The following RBM20 variants were observed in gnomAD, a reference collection of about 807,000 sequenced individuals.
RBM20 encodes RNA-binding protein 20.
A neutral mutation model predicts 110.1 loss-of-function variants in RBM20; 51 were observed. That is an observed-to-expected ratio of 0.46 (90% CI 0.37 to 0.59). The LOEUF (loss-of-function observed/expected upper bound fraction) is 0.59, where lower values mean the gene tolerates loss of function less well. Among genes scored for constraint, RBM20 ranks in the 20% least tolerant of loss-of-function variants. The pLI is 0.00. For missense variants in RBM20, 1,512 were observed against 1,574.9 expected (o/e 0.96, Z 0.68); for synonymous variants, 589 against 618.2 (o/e 0.95, Z 0.70).
intron 1 of RBM20, among the ~76,000 whole-genome samples, chr10:110,726,970 C>T (rs961285386): frequency 7.2e-5 from 11 of 152,032 alleles, no homozygotes; most frequent in Non-Finnish European, 2.9e-5. Flanking sequence ...CCTCAGCCTC[C>T]GGAGTAGCTG....
At chr10:110,768,061 C>G (rs1844131825) in intron 1 of RBM20, among the ~76,000 whole-genome samples, 2 of 152,238 alleles carry the variant, frequency 1.3e-5, no homozygotes, top group South Asian at 4.1e-4. Flanking sequence ...AACCCCGTCT[C>G]CACCAAAAAA....
intron 1 of RBM20, among the ~76,000 whole-genome samples, chr10:110,671,977 A>G (rs948361139): frequency 6.6e-6 from 1 of 152,164 alleles, no homozygotes; most frequent in Admixed American, 6.5e-5. Context: ...GCTGAGGCTC[A>G]TAATCAGCCA....
chr10:110,722,227 G>T (rs1229738315), intron 1 of RBM20, among the ~76,000 whole-genome samples: 1 of 152,208 alleles, frequency 6.6e-6, no homozygotes, highest in East Asian at 1.9e-4. Context: ...AAGAACAACA[G>T]CAGGCATTTT....
At chr10:110,785,004 G>A (rs1844403131) in intron 5 of RBM20, 115 bp downstream of exon 5, 1 of 686,852 alleles carries the variant, frequency 1.5e-6, no homozygotes, top group Non-Finnish European at 2.5e-6. Flanking sequence ...ATATCTCACT[G>A]CAGCCTTGAA....
At chr10:110,686,873 T>A (rs1862512954) in intron 1 of RBM20, among the ~76,000 whole-genome samples, 1 of 151,818 alleles carries the variant, frequency 6.6e-6, no homozygotes, top group Non-Finnish European at 1.5e-5. Flanking sequence ...ACCCCGCCTC[T>A]ACTAAAAATA....
intron 8 of RBM20, among the ~76,000 whole-genome samples, chr10:110,811,336 C>T (rs1445472992): frequency 2.0e-5 from 3 of 152,290 alleles, no homozygotes; most frequent in East Asian, 3.9e-4. Flanking sequence ...TTTAGAATAT[C>T]GGATATATGA....
intron 8 of RBM20, 49 bp downstream of exon 8, chr10:110,810,511 C>T: frequency 1.5e-6 from 2 of 1,325,756 alleles, no homozygotes; most frequent in South Asian, 2.5e-5. Flanking sequence ...GCAGTGGGAA[C>T]AGACTCCTGT....
intron 1 of RBM20, among the ~76,000 whole-genome samples, chr10:110,658,863 A>G (rs560990147): frequency 9.2e-5 from 14 of 152,056 alleles, no homozygotes; most frequent in African/African-American, 3.1e-4. Flanking sequence ...CACCTCTTCC[A>G]GGGAGCTTTC....
At position 110,813,933 on chromosome 10, in the gene RBM20, G is replaced by A. The variant is rs191410952; in HGVS notation, c.2550+986G>A. Among the ~76,000 whole-genome samples the A allele has an allele frequency of 4.2e-4, 52 of 122,872 alleles. No individual in the cohort carries two copies. In the East Asian group the frequency reaches 9.7e-3, roughly 23 times the overall value. The allele number at this position is 122,872 out of a possible 152,430, so 80.6% of individuals were successfully genotyped here. On this transcript the variant is annotated intron_variant, in intron 9 of 13. Transcript: ENST00000369519. Reference sequence around the variant, plus strand: ...TGCAGCAGTACTTCAGTTCACACAGGGGCGTCACAAGGAGGGTTGTGGTTA... The same window carrying A: ...TGCAGCAGTACTTCAGTTCACACAGAGGCGTCACAAGGAGGGTTGTGGTTA...
chr10:110,799,607 T>C (rs1471134470), intron 6 of RBM20, among the ~76,000 whole-genome samples, 180 bp from the exon 7 acceptor site: 1 of 152,238 alleles, frequency 6.6e-6, no homozygotes, highest in African/African-American at 2.4e-5. Flanking sequence ...GGTTTCCTTA[T>C]GCTTCTTCTC....
At chr10:110,765,326 G>C (rs1971596) in intron 1 of RBM20, among the ~76,000 whole-genome samples, 63,267 of 151,482 alleles carry the variant, frequency 0.42, 13,364 homozygotes, top group South Asian at 0.47. Flanking sequence ...CATCTCGTAT[G>C]TGTTGAGTGT....
rs183870986 is a variant in RBM20 at position 110,789,645 on chromosome 10, G to A, written c.1527+4756G>A. On this transcript the variant is annotated intron_variant, in intron 5 of 13. Coordinates refer to ENST00000369519, the MANE Select transcript of RBM20 (RefSeq NM_001134363.3). ...CTAATTTTTGGAGAGACAGGGTGTC[G>A]CCATGTTGCCCAGGCTCGCGTGTTT... Among the ~76,000 whole-genome samples the A allele has an allele frequency of 3.6e-4, 55 of 152,024 alleles. No individual in the cohort carries two copies. The East Asian group carries it at 0.01, about 28-fold the overall frequency.
At position 110,683,808 on chromosome 10, in the gene RBM20, C is replaced by G. The variant is rs377563158; in HGVS notation, c.191+39163C>G. On this transcript the variant is annotated intron_variant, in intron 1 of 13. Transcript: ENST00000369519. ...ATTTCTATCTACAGTTGAAATTATT[C>G]TTAAGGTAACTGTATGGAAGATTAG... Among the ~76,000 whole-genome samples, 23 of 152,204 alleles carry G rather than the reference C, an allele frequency of 1.5e-4. 1 individual carries two copies. The highest frequency in any genetic ancestry group is 9.6e-4 in the East Asian group (5 of 5,186).
intron 7 of RBM20, among the ~76,000 whole-genome samples, chr10:110,808,826 A>G (rs1347640495): frequency 6.6e-6 from 1 of 152,138 alleles, no homozygotes; most frequent in Non-Finnish European, 1.5e-5. Flanking sequence ...CAGAGCACTC[A>G]TACCATGCTA....
At chr10:110,723,467 G>T (rs1179997548) in intron 1 of RBM20, among the ~76,000 whole-genome samples, 2 of 152,134 alleles carry the variant, frequency 1.3e-5, no homozygotes, top group South Asian at 2.1e-4. Flanking sequence ...GGGTCATATG[G>T]TAACTTCAGA....
intron 5 of RBM20, among the ~76,000 whole-genome samples, chr10:110,789,931 G>A (rs1339620843): frequency 6.6e-6 from 1 of 152,138 alleles, no homozygotes; most frequent in Admixed American, 6.5e-5. Context: ...GTACCTGCCC[G>A]AGGTGCACTT....
At chr10:110,697,976 C>T (rs1285568382) in intron 1 of RBM20, among the ~76,000 whole-genome samples, 2 of 149,110 alleles carry the variant, frequency 1.3e-5, no homozygotes, top group Non-Finnish European at 3.0e-5. Context: ...GGTGCGATGT[C>T]GGCTCACTGC....
intron 1 of RBM20, among the ~76,000 whole-genome samples, chr10:110,721,573 C>T (rs557699403): frequency 8.4e-4 from 128 of 152,218 alleles, no homozygotes; most frequent in Non-Finnish European, 1.4e-3. Context: ...CTGCACTGAC[C>T]GTGCCTTTTC....
At chr10:110,815,278 T>C (rs1844824211) in intron 9 of RBM20, among the ~76,000 whole-genome samples, 1 of 152,250 alleles carries the variant, frequency 6.6e-6, no homozygotes, top group Non-Finnish European at 1.5e-5. Flanking sequence ...TGAAAGGATG[T>C]GCTAGACAAA....
Sources: gnomAD v4.1 joint callset for allele counts (sites outside exome capture counted in the v4.1 genomes callset) on GRCh38, gnomAD v4.1.1 for gene constraint, MANE v1.5 for transcripts, NCBI Gene and HGNC (gene_info 2026-07-23, HGNC 2026-07-21) for gene names.